The following PTK2 variants were observed in gnomAD, a reference collection of about 807,000 sequenced individuals.
PTK2 encodes the protein protein tyrosine kinase 2.
PTK2 carries 45 observed loss-of-function variants against 150.1 expected under a neutral mutation model. That is an observed-to-expected ratio of 0.30 (90% CI 0.24 to 0.38). The LOEUF is 0.38. Ranked by LOEUF, PTK2 falls within the 10% of genes least tolerant of loss-of-function variation. The pLI is 1.00. For synonymous variants in PTK2, 432 were observed against 449.2 expected (o/e 0.96, Z 0.48); for missense variants, 919 against 1,307.3 (o/e 0.70, Z 4.58).
intron 1 of PTK2, among the ~76,000 whole-genome samples, chr8:140,942,648 GC>G (rs1569300423): frequency 6.7e-6 from 1 of 149,576 alleles, no homozygotes; most frequent in Non-Finnish European, 1.5e-5. Flanking sequence ...GTGTGTGTGC[GC>G]GCATATATGT....
At chr8:140,917,808 A>T (rs2100165903) in intron 2 of PTK2, among the ~76,000 whole-genome samples, 2 of 152,234 alleles carry the variant, frequency 1.3e-5, no homozygotes, top group South Asian at 4.1e-4. Flanking sequence ...TAAAATATAT[A>T]ATGACAAATC....
chr8:140,830,891 G>T (rs1386522310), intron 7 of PTK2, among the ~76,000 whole-genome samples: 2 of 151,832 alleles, frequency 1.3e-5, no homozygotes, highest in Non-Finnish European at 2.9e-5. Context: ...CTTCCAACTG[G>T]GTAATACTGT....
chr8:140,898,738 G>A (rs2100157312), intron 2 of PTK2, among the ~76,000 whole-genome samples: 1 of 152,082 alleles, frequency 6.6e-6, no homozygotes, highest in Admixed American at 6.6e-5. Context: ...TACTGTACAT[G>A]TTAAGATCCC....
At chr8:140,843,849 T>C (rs866716553) in intron 7 of PTK2, among the ~76,000 whole-genome samples, 1 of 152,346 alleles carries the variant, frequency 6.6e-6, no homozygotes, top group African/African-American at 2.4e-5. Flanking sequence ...AGTATGGATA[T>C]ATTATGATTA....
Position 140,942,367 on chromosome 8 carries a change from A to G in PTK2, c.-121-16618T>C, listed in dbSNP as rs1393969854. ...AGCTACAAGAACTTGAGCAACAAAT[A>G]CTAAAATAACTTTTAAACATCTTTT... is the stretch of plus-strand genomic sequence containing the variant. On this transcript the variant is annotated intron_variant, in intron 1 of 31. Transcript: ENST00000522684. Among the ~76,000 whole-genome samples, 3 of 152,366 alleles carry G rather than the reference A, an allele frequency of 2.0e-5. No individual in the cohort carries two copies. In the East Asian group the frequency reaches 5.8e-4, roughly 29 times the overall value.
intron 22 of PTK2, chr8:140,721,867 CCT>C (rs1450177077): frequency 2.6e-5 from 4 of 152,328 alleles, no homozygotes; most frequent in Admixed American, 6.5e-5. Flanking sequence ...ACATTACTCT[CCT>C]TATTCTCTTC....
intron 10 of PTK2, among the ~76,000 whole-genome samples, chr8:140,816,493 G>A (rs540391828): frequency 1.3e-5 from 2 of 152,274 alleles, no homozygotes; most frequent in East Asian, 1.9e-4. Context: ...GGACAAGGGA[G>A]GCCGGTCTGT....
intron 31 of PTK2, chr8:140,662,976 C>T (rs183678445): frequency 4.9e-5 from 20 of 408,638 alleles, no homozygotes; most frequent in Admixed American, 4.4e-4. Context: ...AGCAACACCA[C>T]GTGCAAAGTG....
chr8:140,877,460 C>G (rs1568009291), intron 4 of PTK2, among the ~76,000 whole-genome samples: 1 of 152,152 alleles, frequency 6.6e-6, no homozygotes, highest in Non-Finnish European at 1.5e-5. Flanking sequence ...AAGTTCGAAT[C>G]AAAGCTGTGT....
intron 1 of PTK2, among the ~76,000 whole-genome samples, chr8:140,998,123 A>C (rs564782465): frequency 6.6e-6 from 1 of 152,342 alleles, no homozygotes; most frequent in South Asian, 2.1e-4. Context: ...TCACCAGCAA[A>C]AAAGAAAAAT....
intron 12 of PTK2, among the ~76,000 whole-genome samples, chr8:140,794,318 G>A (rs1595888546): frequency 6.6e-6 from 1 of 152,182 alleles, no homozygotes. Flanking sequence ...TGCTCTGGCT[G>A]TCATCTTTGT....
intron 1 of PTK2, among the ~76,000 whole-genome samples, chr8:140,968,513 T>C (rs1431303014): frequency 6.6e-6 from 1 of 152,222 alleles, no homozygotes; most frequent in Non-Finnish European, 1.5e-5. Context: ...TTAGAGAGTT[T>C]AAGGAGCTTG....
intron 8 of PTK2, 141 bp downstream of exon 8, chr8:140,830,331 A>C: frequency 1.7e-6 from 1 of 606,016 alleles, no homozygotes; most frequent in Non-Finnish European, 2.9e-6. Context: ...TGTGACTAGA[A>C]TAAATGTCAG....
chr8:140,982,656 G>T (rs896890959), intron 1 of PTK2, among the ~76,000 whole-genome samples: 1 of 152,136 alleles, frequency 6.6e-6, no homozygotes, highest in Admixed American at 6.5e-5. Context: ...ACTCACAGAA[G>T]AACCTTAGAA....
At chr8:140,717,101 GCT>G (rs2100040099) in intron 23 of PTK2, among the ~76,000 whole-genome samples, 1 of 152,142 alleles carries the variant, frequency 6.6e-6, no homozygotes, top group African/African-American at 2.4e-5. Context: ...ACTGCAATGT[GCT>G]CTCTTTCCCA....
intron 31 of PTK2, chr8:140,663,040 C>CG (rs2083049893): frequency 6.0e-6 from 2 of 333,058 alleles, no homozygotes; most frequent in East Asian, 8.9e-5. Flanking sequence ...AGACAACCGA[C>CG]GACCCTGGAA....
intron 14 of PTK2, among the ~76,000 whole-genome samples, chr8:140,777,117 C>T (rs1390201881): frequency 6.6e-6 from 1 of 152,230 alleles, no homozygotes; most frequent in African/African-American, 2.4e-5. Context: ...GCCTGCCAAA[C>T]TTAACCTGCC....
chr8:140,708,633 A>G (rs1454264940), intron 23 of PTK2, among the ~76,000 whole-genome samples: 1 of 152,092 alleles, frequency 6.6e-6, no homozygotes, highest in Non-Finnish European at 1.5e-5. Flanking sequence ...CTAAATAACA[A>G]CATGAATTCC....
chr8:140,865,016 C>T (rs777776235), intron 4 of PTK2, among the ~76,000 whole-genome samples: 11 of 152,194 alleles, frequency 7.2e-5, no homozygotes, highest in Non-Finnish European at 1.5e-4. Context: ...TGTAACAAGT[C>T]AAACTCCCAC....
Sources: allele counts gnomAD v4.1 joint callset (sites outside exome capture counted in the v4.1 genomes callset), GRCh38; gene constraint gnomAD v4.1.1; transcripts MANE v1.5; gene names NCBI Gene and HGNC (gene_info 2026-07-23, HGNC 2026-07-21).